Variants in MDGA2 observed in about 807,000 individuals in gnomAD.
The protein encoded by MDGA2 is MAM domain containing glycosylphosphatidylinositol anchor 2.
Under a neutral mutation model 117.8 loss-of-function variants are expected in MDGA2, and 40 were observed. That is an observed-to-expected ratio of 0.34 (90% CI 0.26 to 0.44). The LOEUF (loss-of-function observed/expected upper bound fraction) is 0.44. Ranked by LOEUF, MDGA2 falls within the 20% of genes least tolerant of loss-of-function variation. MDGA2 has a pLI of 1.00. For synonymous variants in MDGA2, 452 were observed against 439.0 expected, an observed-to-expected ratio of 1.03 and a Z score of -0.37; for missense variants, 1,123 against 1,250.6, an observed-to-expected ratio of 0.90 and a Z score of 1.54.
chr14:47,529,854 T>C (rs942947125), intron 1 of MDGA2, among the ~76,000 whole-genome samples: 1 of 152,198 alleles, frequency 6.6e-6, no homozygotes, highest in Non-Finnish European at 1.5e-5. Context: ...GAATATGACA[T>C]TTATACAGTT....
At chr14:47,482,666 C>A (rs1893978325) in intron 1 of MDGA2, among the ~76,000 whole-genome samples, 1 of 152,024 alleles carries the variant, frequency 6.6e-6, no homozygotes, top group South Asian at 2.1e-4. Context: ...CTTCTTCATT[C>A]ATTCATTTAT....
intron 8 of MDGA2, among the ~76,000 whole-genome samples, chr14:46,991,066 A>G (rs1887076410): frequency 6.6e-6 from 1 of 152,130 alleles, no homozygotes. Flanking sequence ...TGAAATAAGT[A>G]GTGGTAATAT....
At chr14:47,179,371 G>A (rs1331544395) in intron 3 of MDGA2, among the ~76,000 whole-genome samples, 1 of 151,826 alleles carries the variant, frequency 6.6e-6, no homozygotes, top group Admixed American at 6.6e-5. Flanking sequence ...TCGTTCTACT[G>A]TAGCTTAATA....
chr14:47,145,159 G>C (rs1478231844), intron 3 of MDGA2, among the ~76,000 whole-genome samples: 1 of 151,962 alleles, frequency 6.6e-6, no homozygotes, highest in Non-Finnish European at 1.5e-5. Flanking sequence ...TTCTATTACT[G>C]GATATTGGAA....
In MDGA2 at chr14:47,061,380, G is replaced by C. The variant is rs752237989; in HGVS notation, c.1394C>G (p.Ser465Cys). Residue 465 changes from serine to cysteine, a missense_variant, in exon 7 of 17, where the codon TCT becomes TGT. This residue lies in a region of MDGA2 where 890 missense variants were observed against 1,050.3 expected (regional missense o/e 0.85). Coordinates refer to ENST00000399232, the MANE Select transcript of MDGA2 (RefSeq NM_001113498.3). ...MVITQTDPDVSPGTTNLDIID... is the reference protein window; with the variant it reads ...MVITQTDPDVCPGTTNLDIID... The stretch of plus-strand genomic sequence containing the variant: ...GATGTCCAAGTTTGTTGTTCCCGGA[G>C]AGACATCAGGATCAGTCTGTGTAAT... The C allele has an allele frequency of 2.5e-6, 4 of 1,613,624 alleles. No individual in the cohort carries two copies. Among genetic ancestry groups the C allele is most frequent in the South Asian group, 1.1e-5 (1 of 91,082 alleles).
chr14:46,902,241 A>G (rs1209655191), intron 10 of MDGA2, among the ~76,000 whole-genome samples: 1 of 152,068 alleles, frequency 6.6e-6, no homozygotes, highest in East Asian at 1.9e-4. Flanking sequence ...TTGAATTGTT[A>G]TTACTATTTT....
At chr14:47,278,910 A>G (rs1566716774) in intron 2 of MDGA2, among the ~76,000 whole-genome samples, 1 of 152,124 alleles carries the variant, frequency 6.6e-6, no homozygotes, top group Admixed American at 6.5e-5. Context: ...ATTTAATAAT[A>G]TATCTTGGGG....
At chr14:47,084,878 C>G (rs1890841451) in intron 6 of MDGA2, among the ~76,000 whole-genome samples, 1 of 152,130 alleles carries the variant, frequency 6.6e-6, no homozygotes, top group African/African-American at 2.4e-5. Context: ...TGTGAGACAT[C>G]ACCATTTGTT....
chr14:47,622,808 T>C (rs1897073984), intron 1 of MDGA2, among the ~76,000 whole-genome samples: 1 of 152,112 alleles, frequency 6.6e-6, no homozygotes, highest in Admixed American at 6.6e-5. Context: ...GTCATAGTCA[T>C]GGGGAAGTAG....
chr14:47,294,426 T>C (rs1400804739), intron 2 of MDGA2, among the ~76,000 whole-genome samples: 3 of 152,136 alleles, frequency 2.0e-5, no homozygotes, highest in Non-Finnish European at 4.4e-5. Context: ...AAATAAATGT[T>C]TGGATGCTTA....
chr14:47,089,190 T>C (rs752528193), intron 6 of MDGA2, among the ~76,000 whole-genome samples: 3 of 152,134 alleles, frequency 2.0e-5, no homozygotes, highest in African/African-American at 2.4e-5. Flanking sequence ...AAAGGACTAT[T>C]ATCAGTTCAA....
chr14:47,219,348 GAATA>G (rs1419280505), intron 2 of MDGA2, among the ~76,000 whole-genome samples: 1 of 151,788 alleles, frequency 6.6e-6, no homozygotes, highest in Non-Finnish European at 1.5e-5. Context: ...ATTGTGAATG[GAATA>G]AAAATGTTAT....
chr14:47,291,834 T>C (rs1346181472), intron 2 of MDGA2, among the ~76,000 whole-genome samples: 1 of 152,224 alleles, frequency 6.6e-6, no homozygotes, highest in Non-Finnish European at 1.5e-5. Context: ...CATCGTGTAA[T>C]CATCTCTAGG....
At chr14:46,919,618 C>G (rs73235300) in intron 10 of MDGA2, among the ~76,000 whole-genome samples, 5,800 of 152,198 alleles carry the variant, frequency 0.038, 378 homozygotes, top group African/African-American at 0.13. Flanking sequence ...AAAATATGTA[C>G]AACTTCTGGC....
chr14:47,311,120 T>C (rs2139842135), intron 1 of MDGA2, among the ~76,000 whole-genome samples: 1 of 152,234 alleles, frequency 6.6e-6, no homozygotes, highest in Admixed American at 6.5e-5. Context: ...ATTTTTAATC[T>C]CTGTAGACTG....
At chr14:47,094,120 C>G (rs189736135) in intron 6 of MDGA2, among the ~76,000 whole-genome samples, 9 of 151,972 alleles carry the variant, frequency 5.9e-5, no homozygotes, top group Admixed American at 5.3e-4. Context: ...GTTTTTCTCC[C>G]CACAGTTTAA....
At chr14:47,339,557 T>C (rs1335808196) in intron 1 of MDGA2, among the ~76,000 whole-genome samples, 1 of 152,052 alleles carries the variant, frequency 6.6e-6, no homozygotes, top group East Asian at 1.9e-4. Context: ...CTGTGAAATC[T>C]GGTTGTTATA....
chr14:47,144,371 A>C (rs1418082137), intron 3 of MDGA2, 97 bp from the exon 4 acceptor site: 79 of 767,004 alleles, frequency 1.0e-4, no homozygotes, highest in Non-Finnish European at 1.3e-4. Context: ...CATATTCCTC[A>C]TTGATTGTAT....
intron 1 of MDGA2, among the ~76,000 whole-genome samples, chr14:47,504,514 G>A (rs918974161): frequency 2.0e-5 from 3 of 152,074 alleles, no homozygotes; most frequent in South Asian, 2.1e-4. Context: ...CCGAAGTCTC[G>A]AGAATGTCTG....
Sources: allele counts gnomAD v4.1 joint callset (sites outside exome capture counted in the v4.1 genomes callset), GRCh38; gene constraint gnomAD v4.1.1; regional missense constraint gnomAD v4.1.1; transcripts MANE v1.5; gene names NCBI Gene and HGNC (gene_info 2026-07-23, HGNC 2026-07-21).